GBGT1: variants seen among roughly 807,000 people sequenced by gnomAD.
The protein encoded by GBGT1 is globoside alpha-1,3-N-acetylgalactosaminyltransferase 1.
A neutral mutation model predicts 20.9 loss-of-function variants in GBGT1; 18 were observed. The observed-to-expected ratio is 0.86, with a 90% CI of 0.60 to 1.28. GBGT1 has a LOEUF of 1.28. Ranked by LOEUF, GBGT1 falls within the 50% of genes most tolerant of loss-of-function variation. The pLI is 0.00. For missense variants in GBGT1, 432 were observed against 455.7 expected, an observed-to-expected ratio of 0.95 and a Z score of 0.47; for synonymous variants, 168 against 180.8, an observed-to-expected ratio of 0.93 and a Z score of 0.57.
intron 5 of GBGT1, 27 bp from the exon 6 acceptor site, chr9:133,155,339 G>A (rs1832841008): frequency 1.2e-6 from 2 of 1,612,934 alleles, no homozygotes; most frequent in African/African-American, 1.3e-5. Context: ...CGTGGGCACT[G>A]AGACCCTCCC....
At chr9:133,162,670 A>G in intron 1 of GBGT1, 138 bp from the exon 2 acceptor site, 1 of 514,768 alleles carries the variant, frequency 1.9e-6, no homozygotes, top group Non-Finnish European at 3.5e-6. Flanking sequence ...CCTCCTGAGT[A>G]GCTGGGATTA....
chr9:133,162,038 G>A (rs1833064921), intron 2 of GBGT1, among the ~76,000 whole-genome samples: 1 of 152,062 alleles, frequency 6.6e-6, no homozygotes, highest in South Asian at 2.1e-4. Context: ...AGGGGTTGGT[G>A]GGATCTGGAA....
At chr9:133,155,081 G>T (rs1832828904) in intron 6 of GBGT1, 97 bp downstream of exon 6, 2 of 1,146,960 alleles carry the variant, frequency 1.7e-6, no homozygotes, top group Non-Finnish European at 2.6e-6. Flanking sequence ...CGGGTGCCCA[G>T]CAGGGTCCTG....
intron 3 of GBGT1, chr9:133,161,012 G>GAAAA: frequency 5.9e-6 from 2 of 338,516 alleles, no homozygotes; most frequent in Non-Finnish European, 1.0e-5. Context: ...TCTGACTCAA[G>GAAAA]AAAAAAAAAA....
Position 133,155,220 on chromosome 9 carries a change from G to T in GBGT1, c.317C>A (p.Pro106Gln), listed in dbSNP as rs1564263260. 1.2e-6 allele frequency: 2 copies of T among 1,613,978 alleles called. No individual in the cohort carries two copies. Among genetic ancestry groups the T allele is most frequent in the Non-Finnish European group, 8.5e-7 (1 of 1,180,000 alleles). Residue 106 changes from proline (P) to glutamine (Q), a missense_variant, in exon 6 of 7, where the codon CCA (proline) becomes CAA (glutamine). Coordinates refer to ENST00000372040, the MANE Select transcript of GBGT1 (RefSeq NM_021996.6). ...NPELLQHIYQPLNLTIGVTVF... is the reference protein window; with the variant it reads ...NPELLQHIYQQLNLTIGVTVF... The stretch of plus-strand genomic sequence containing the variant: ...CGTGACCCCAATGGTCAGGTTCAGT[G>T]GCTGGTAGATGTGCTGCAGAAGCTC...
intron 5 of GBGT1, 34 bp downstream of exon 5, chr9:133,155,867 C>T (rs778031991): frequency 1.2e-6 from 2 of 1,611,608 alleles, no homozygotes; most frequent in Non-Finnish European, 1.7e-6. Context: ...TGTCCTTTTC[C>T]CCCGCCCCCA....
rs1564264113 is a variant in GBGT1 at position 133,156,065 on chromosome 9, G to C, written c.138C>G (p.Phe46Leu). The change falls in exon 4 of 7, where the codon TTC (phenylalanine) becomes TTG (leucine). Residue 46 changes from phenylalanine (F) to leucine (L), a missense_variant and splice_region_variant. Phe to Leu is a conservative substitution (Grantham distance 22). Coordinates refer to ENST00000372040, the MANE Select transcript of GBGT1 (RefSeq NM_021996.6). ...VPYYLPCPEI[F>L]NMKLHYKREK... ...CCCTCTTGTAGTGCAGCTTCATGTT[G>C]CTGGTGGCAGAGGCAAGAAAGAGCC... 4.3e-6 allele frequency: 7 copies of C among 1,613,890 alleles called. No individual in the cohort carries two copies. The highest frequency in any genetic ancestry group is 5.9e-6 in the Non-Finnish European group (7 of 1,179,974).
At chr9:133,155,073 G>A in intron 6 of GBGT1, 105 bp downstream of exon 6, 3 of 1,042,960 alleles carry the variant, frequency 2.9e-6, no homozygotes, top group Non-Finnish European at 2.9e-6. Context: ...GAGCCTCCCG[G>A]GTGCCCAGCA....
In GBGT1 at chr9:133,161,591, C is replaced by T. The variant is rs563270767; in HGVS notation, c.72-59G>A. ...TCCACTCTGCACCAGAGGCTGAAAA[C>T]GCACCTCATGCACGTCATTGGGAGT... On this transcript the variant is annotated intron_variant, in intron 2 of 6. Coordinates refer to ENST00000372040, the MANE Select transcript of GBGT1 (RefSeq NM_021996.6). The T allele has an allele frequency of 1.1e-3, 1,358 of 1,212,294 alleles. 17 individuals carry two copies. The South Asian group carries it at 0.014, about 13-fold the overall frequency. The allele number at this position is 1,212,294 out of a possible 1,614,324, so 75.1% of individuals were successfully genotyped here. A position where few individuals can be genotyped will look rare whatever the true frequency, so the allele number is the denominator to read the frequency against.
chr9:133,154,528 C>A lies in GBGT1; in HGVS notation c.360-267G>T. The A allele has an allele frequency of 2.8e-6, 1 of 351,620 alleles. No homozygotes were observed. The highest frequency in any genetic ancestry group is 4.3e-5 in the Admixed American group (1 of 23,510). 21.8% of individuals were successfully genotyped at this position (351,620 alleles called of 1,614,324 possible). A position where few individuals can be genotyped will look rare whatever the true frequency, so the allele number is the denominator to read the frequency against. ...TGAGCAATTTCTAAGTGCCCAGCGA[C>A]GTTCTAAGAATTCTTATGATCTTTG... On this transcript the variant is annotated intron_variant, in intron 6 of 6. Transcript: ENST00000372040. This position sits in a 1 kb window ranked among gnomAD's most constrained non-coding sequence, Gnocchi z 4.2.
At position 133,155,132 on chromosome 9, in the gene GBGT1, T is replaced by C. The variant is rs118145799; in HGVS notation, c.359+46A>G. 2.5e-3 allele frequency: 3,898 copies of C among 1,573,942 alleles called. 9 individuals carry two copies. Among genetic ancestry groups the C allele is most frequent in the Non-Finnish European group, 3.3e-3 (3,743 of 1,145,166 alleles). ...TGGTCTCTTCCCAACTATAAACTCC[T>C]GTGGCTCAGGGAGACCTCCCTCCCC... On this transcript the variant is annotated intron_variant, in intron 6 of 6. Transcript: ENST00000372040.
intron 3 of GBGT1, among the ~76,000 whole-genome samples, chr9:133,158,229 C>T (rs1260670428): frequency 6.6e-6 from 1 of 152,202 alleles, no homozygotes; most frequent in Non-Finnish European, 1.5e-5. Flanking sequence ...ATAAGGATCC[C>T]ACCCACTGAT....
rs775462632 is a variant in GBGT1, at chr9:133,153,825, C to T, written c.796G>A (p.Gly266Arg). The T allele has an allele frequency of 3.4e-5, 54 of 1,588,074 alleles. No homozygotes were observed. Among genetic ancestry groups the T allele is most frequent in the South Asian group, 2.1e-4 (18 of 87,656 alleles). ...GDFYYGGAVFGGQVARVYEFT... is the reference protein window; with the variant it reads ...GDFYYGGAVFRGQVARVYEFT... Reference sequence around the variant, plus strand: ...TCATATACCCTGGCCACCTGCCCCCCGAAGACTGCCCCACCATAATAGAAG... The same window carrying T: ...TCATATACCCTGGCCACCTGCCCCCTGAAGACTGCCCCACCATAATAGAAG... Residue 266 changes from glycine (G) to arginine (R), a missense_variant, in exon 7 of 7, where the codon GGG becomes AGG. Physicochemically the swap from Gly to Arg is moderately radical, Grantham distance 125. Coordinates refer to ENST00000372040, the MANE Select transcript of GBGT1 (RefSeq NM_021996.6).
Position 133,153,736 on chromosome 9 carries a change from C to G in GBGT1, c.885G>C (p.Trp295Cys), listed in dbSNP as rs558116023. The G allele has an allele frequency of 6.2e-7, 1 of 1,613,592 alleles. No homozygotes were observed. Among genetic ancestry groups the G allele is most frequent in the South Asian group, 1.1e-5 (1 of 90,998 alleles). The change falls in exon 7 of 7, where the codon TGG becomes TGC. Residue 295 changes from tryptophan (W) to cysteine (C), a missense_variant. By Grantham distance (215) the Trp-to-Cys change is radical. Transcript: ENST00000372040. ...ADKANGIMAA[W>C]REESHLNRHF... The stretch of plus-strand genomic sequence containing the variant: ...GACGGTTCAGGTGGCTTTCCTCCCG[C>G]CAGGCAGCCATGATGCCATTGGCCT...
chr9:133,162,645 A>G (rs1399114840), intron 1 of GBGT1, 113 bp from the exon 2 acceptor site: 1 of 546,428 alleles, frequency 1.8e-6, no homozygotes, highest in African/African-American at 1.9e-5. Context: ...GGTTCAAGCG[A>G]TTCTCTTGTC....
In GBGT1 at chr9:133,153,580, G is replaced by C; in HGVS notation, c.1041C>G (p.Ser347Arg). 2.0e-6 allele frequency: 3 copies of C among 1,528,840 alleles called. No individual in the cohort carries two copies. The highest frequency in any genetic ancestry group is 2.6e-6 in the Non-Finnish European group (3 of 1,137,158). The allele number at this position is 1,528,840 out of a possible 1,614,324, so 94.7% of individuals were successfully genotyped here. A position where few individuals can be genotyped will look rare whatever the true frequency, so the allele number is the denominator to read the frequency against. ...TLDKDISCLRS is the reference protein window; with the variant it reads ...TLDKDISCLRR ...ATGGCAACCCCCAGCTCCGTGGTCA[G>C]CTCCTCAGGCAGCTGATATCCTTGT... is the stretch of plus-strand genomic sequence containing the variant. The change falls in exon 7 of 7, where the codon AGC becomes AGG. Residue 347 changes from serine (S) to arginine (R), a missense_variant. Transcript: ENST00000372040.
intron 3 of GBGT1, among the ~76,000 whole-genome samples, chr9:133,156,677 A>C (rs1355130359): frequency 6.6e-6 from 1 of 150,440 alleles, no homozygotes; most frequent in Non-Finnish European, 1.5e-5. Flanking sequence ...AAAAGGAAGA[A>C]AAGCTGCAAA....
At chr9:133,161,555 A>G (rs1390434009) in intron 2 of GBGT1, 23 bp from the exon 3 acceptor site, 3 of 1,560,820 alleles carry the variant, frequency 1.9e-6, no homozygotes, top group Non-Finnish European at 2.6e-6. Context: ...AAAAGAAAAA[A>G]AATCTGTTGA....
In GBGT1 at chr9:133,154,361, C is replaced by G. The variant is rs1030871263; in HGVS notation, c.360-100G>C. 1.6e-6 allele frequency: 1 copy of G among 642,466 alleles called. No individual in the cohort carries two copies. Among genetic ancestry groups the G allele is most frequent in the East Asian group, 2.7e-5 (1 of 37,106 alleles). 39.8% of individuals were successfully genotyped at this position (642,466 alleles called of 1,614,324 possible). ...CAGGCTGGGGTCCACTTACCAGCTC[C>G]CCATCTCAAGATGTCACTCTGCTCT... On this transcript the variant is annotated intron_variant, in intron 6 of 6. Coordinates refer to ENST00000372040, the MANE Select transcript of GBGT1 (RefSeq NM_021996.6). The surrounding 1 kb of genome is among the most constrained non-coding windows in gnomAD (Gnocchi z 4.2).
Sources: allele counts gnomAD v4.1 joint callset (sites outside exome capture counted in the v4.1 genomes callset), GRCh38; gene constraint gnomAD v4.1.1; non-coding constraint Gnocchi (gnomAD v3.1); transcripts MANE v1.5; gene names NCBI Gene and HGNC (gene_info 2026-07-23, HGNC 2026-07-21).